C2orf42: variants seen among roughly 807,000 people sequenced by gnomAD.
The protein encoded by C2orf42 is uncharacterized protein C2orf42.
In C2orf42, 44 loss-of-function variants were observed where a neutral mutation model predicts 58.9. The observed-to-expected ratio is 0.75, with a 90% CI of 0.59 to 0.96. C2orf42 has a LOEUF of 0.96. Ranked by LOEUF, C2orf42 falls within the 40% of genes least tolerant of loss-of-function variation. The pLI is 0.00. For missense variants in C2orf42, 630 were observed against 699.2 expected (o/e 0.90, Z 1.12); for synonymous variants, 239 against 265.4 (o/e 0.90, Z 0.97).
Position 70,175,702 on chromosome 2 carries a change from G to C in C2orf42, c.1010C>G (p.Pro337Arg). ...SNLRKSGLKK[P>R]VVASSLKRQA... Reference sequence around the variant, plus strand: ...CCTTTTTAACGAGGAAGCAACCACAGGCTTTTTCAGGCCACTTTTCCTTAG... The same window carrying C: ...CCTTTTTAACGAGGAAGCAACCACACGCTTTTTCAGGCCACTTTTCCTTAG... Residue 337 changes from proline to arginine, a missense_variant, in exon 5 of 10, where the codon CCT becomes CGT. Pro to Arg is a moderately radical substitution (Grantham distance 103, BLOSUM62 -2). Coordinates refer to ENST00000264434, the MANE Select transcript of C2orf42 (RefSeq NM_017880.3). 2 of 1,612,636 alleles carry C rather than the reference G, an allele frequency of 1.2e-6. No homozygotes were observed. The highest frequency in any genetic ancestry group is 1.7e-6 in the Non-Finnish European group (2 of 1,178,700).
chr2:70,163,193 T>C (rs1260423561), intron 8 of C2orf42, among the ~76,000 whole-genome samples: 1 of 150,924 alleles, frequency 6.6e-6, no homozygotes, highest in Non-Finnish European at 1.5e-5. Context: ...ATTCTATTAC[T>C]GTAGGAAAAA....
chr2:70,170,254 AT>A (rs11357433), intron 5 of C2orf42, among the ~76,000 whole-genome samples: 23,359 of 142,362 alleles, frequency 0.16, 3,039 homozygotes, highest in African/African-American at 0.36. Flanking sequence ...ATATTCTGGG[AT>A]TTTTTTTTTT....
chr2:70,155,935 C>G (rs1337256670), intron 9 of C2orf42, among the ~76,000 whole-genome samples: 2 of 152,062 alleles, frequency 1.3e-5, no homozygotes, highest in Admixed American at 6.6e-5. Flanking sequence ...GCGGGCAGAT[C>G]ACCTGAGGTT....
At chr2:70,175,327 A>C (rs1489147906) in intron 5 of C2orf42, among the ~76,000 whole-genome samples, 4 of 151,594 alleles carry the variant, frequency 2.6e-5, no homozygotes, top group Non-Finnish European at 5.9e-5. Context: ...ACCCCCTTCC[A>C]CCTTTCCTCC....
intron 8 of C2orf42, 93 bp downstream of exon 8, chr2:70,164,999 G>GT (rs1673304249): frequency 3.5e-6 from 2 of 571,636 alleles, no homozygotes; most frequent in African/African-American, 1.9e-5. Flanking sequence ...TCTGGTGTCT[G>GT]TAACTCAAGG....
intron 9 of C2orf42, among the ~76,000 whole-genome samples, chr2:70,152,452 G>T (rs997829321): frequency 3.3e-5 from 5 of 152,160 alleles, no homozygotes; most frequent in Non-Finnish European, 7.3e-5. Flanking sequence ...ACTACTGGCA[G>T]CTTCTGGGAG....
At chr2:70,162,768 A>G (rs11677137) in intron 8 of C2orf42, among the ~76,000 whole-genome samples, 29,862 of 151,792 alleles carry the variant, frequency 0.2, 4,116 homozygotes, top group African/African-American at 0.39. Flanking sequence ...CCTGGCTCAC[A>G]TGTAAATTCT....
Position 70,175,682 on chromosome 2 carries a change from T to C in C2orf42, c.1030A>G (p.Lys344Glu). Reference sequence around the variant, plus strand: ...GGGAAGGGAAACTTACCCTGCCTTTTTAACGAGGAAGCAACCACAGGCTTT... The same window carrying C: ...GGGAAGGGAAACTTACCCTGCCTTTCTAACGAGGAAGCAACCACAGGCTTT... Reference protein sequence around the residue: ...LKKPVVASSLKRQACGQLLDE... With the variant: ...LKKPVVASSLERQACGQLLDE... The change falls in exon 5 of 10, where the codon AAA becomes GAA. Residue 344 changes from lysine to glutamate, a missense_variant. Transcript: ENST00000264434. 2 of 1,605,988 alleles carry C rather than the reference T, an allele frequency of 1.2e-6. No individual in the cohort carries two copies. The highest frequency in any genetic ancestry group is 1.7e-6 in the Non-Finnish European group (2 of 1,172,644).
intron 8 of C2orf42, among the ~76,000 whole-genome samples, chr2:70,163,857 A>T (rs923778507): frequency 1.4e-4 from 22 of 151,892 alleles, no homozygotes; most frequent in Admixed American, 5.3e-4. Flanking sequence ...GTCTCCAAAA[A>T]ATAAAAATAA....
At chr2:70,188,123 C>T (rs1675076681) in intron 1 of C2orf42, among the ~76,000 whole-genome samples, 1 of 152,136 alleles carries the variant, frequency 6.6e-6, no homozygotes, top group South Asian at 2.1e-4. Flanking sequence ...AACATTGGTA[C>T]AACACTATTA....
At chr2:70,162,562 T>G (rs1356117021) in intron 8 of C2orf42, among the ~76,000 whole-genome samples, 1 of 151,650 alleles carries the variant, frequency 6.6e-6, no homozygotes, top group East Asian at 2.0e-4. Context: ...GAGAATTGCT[T>G]GAACCTGGGA....
At chr2:70,189,299 C>T (rs1037348823) in intron 1 of C2orf42, among the ~76,000 whole-genome samples, 138 of 144,080 alleles carry the variant, frequency 9.6e-4, no homozygotes, top group African/African-American at 3.4e-3. Flanking sequence ...CCAGCTACTC[C>T]GGAGGCTGAG....
chr2:70,161,516 T>G (rs1456882877), intron 8 of C2orf42, among the ~76,000 whole-genome samples: 1 of 152,122 alleles, frequency 6.6e-6, no homozygotes, highest in Non-Finnish European at 1.5e-5. Flanking sequence ...ACACAGCCCT[T>G]TTCTAGGGTT....
chr2:70,170,041 GA>G (rs1673693018), intron 5 of C2orf42, among the ~76,000 whole-genome samples: 1 of 151,824 alleles, frequency 6.6e-6, no homozygotes, highest in African/African-American at 2.4e-5. Flanking sequence ...TTACAGGCGT[GA>G]GCCACCGCGC....
Position 70,181,720 on chromosome 2 carries a change from A to G in C2orf42, c.266T>C (p.Phe89Ser). ...TGTCTCTGAAACCCCGAGCTCCACA[A>G]AGCATCGGTAATCAGGGCCCCGGTC... is the stretch of plus-strand genomic sequence containing the variant. ...QRDRGPDYRC[F>S]VELGVSETTI... The change falls in exon 3 of 10, where the codon TTT (phenylalanine) becomes TCT (serine). Residue 89 changes from phenylalanine to serine, a missense_variant. Coordinates refer to ENST00000264434, the MANE Select transcript of C2orf42 (RefSeq NM_017880.3). The G allele has an allele frequency of 1.2e-6, 2 of 1,614,188 alleles. No homozygotes were observed. Among genetic ancestry groups the G allele is most frequent in the African/African-American group, 1.3e-5 (1 of 75,042 alleles).
At position 70,183,641 on chromosome 2, in the gene C2orf42, C is replaced by T. The variant is rs539888895; in HGVS notation, c.-281-706G>A. ...AGACGGGGTTTCACTGTGTTTCGAT[C>T]TCCTGACCTCGTGATCTGCCCACCT... is the stretch of plus-strand genomic sequence containing the variant. On this transcript the variant is annotated intron_variant, in intron 1 of 9. Transcript: ENST00000264434. 2.0e-5 allele frequency among the ~76,000 whole-genome samples: 3 copies of T among 151,120 alleles called. No homozygotes were observed. In the East Asian group the frequency reaches 5.9e-4, roughly 30 times the overall value.
chr2:70,183,742 AAAG>A (rs1212747626), intron 1 of C2orf42, among the ~76,000 whole-genome samples: 2 of 151,528 alleles, frequency 1.3e-5, no homozygotes, highest in Non-Finnish European at 2.9e-5. Flanking sequence ...AAAAAAAAAA[AAAG>A]AACACACCTA....
intron 9 of C2orf42, among the ~76,000 whole-genome samples, chr2:70,160,146 T>C (rs1345556558): frequency 1.3e-5 from 2 of 151,376 alleles, no homozygotes; most frequent in African/African-American, 2.4e-5. Flanking sequence ...TTTTTTTTTT[T>C]TTTCTTTTTT....
intron 5 of C2orf42, among the ~76,000 whole-genome samples, chr2:70,171,232 T>C (rs1012622518): frequency 6.6e-6 from 1 of 152,140 alleles, no homozygotes; most frequent in African/African-American, 2.4e-5. Context: ...GCCGAGATCA[T>C]GCCTCTGCAC....
Sources: gnomAD v4.1 joint callset for allele counts (sites outside exome capture counted in the v4.1 genomes callset) on GRCh38, gnomAD v4.1.1 for gene constraint, MANE v1.5 for transcripts, NCBI Gene and HGNC (gene_info 2026-07-23, HGNC 2026-07-21) for gene names.